SPATA16: variants seen among roughly 807,000 people sequenced by gnomAD.
The protein encoded by SPATA16 is spermatogenesis associated 16.
In SPATA16, 36 loss-of-function variants were observed where a neutral mutation model predicts 63.3. That is an observed-to-expected ratio of 0.57 (90% CI 0.44 to 0.75). SPATA16 has a LOEUF of 0.75. SPATA16 is among the 30% of genes least tolerant of loss of function. The pLI, the probability that SPATA16 is intolerant of heterozygous loss-of-function variation, is 0.00. For missense variants in SPATA16, 646 were observed against 679.3 expected, an observed-to-expected ratio of 0.95 and a Z score of 0.54; for synonymous variants, 203 against 216.7, an observed-to-expected ratio of 0.94 and a Z score of 0.56.
chr3:172,925,200 A>G, intron 7 of SPATA16, 146 bp downstream of exon 7: 2 of 888,622 alleles, frequency 2.3e-6, no homozygotes, highest in Non-Finnish European at 1.7e-6. Context: ...TCTTGGGGAA[A>G]GATTTCCTGG....
At chr3:173,101,373 AG>A (rs1440633229) in intron 2 of SPATA16, among the ~76,000 whole-genome samples, 2 of 152,144 alleles carry the variant, frequency 1.3e-5, no homozygotes, top group Non-Finnish European at 2.9e-5. Context: ...CCCTAATCAA[AG>A]GTTTGAATAT....
intron 4 of SPATA16, among the ~76,000 whole-genome samples, chr3:172,988,060 C>T (rs1734495248): frequency 6.6e-6 from 1 of 152,108 alleles, no homozygotes; most frequent in South Asian, 2.1e-4. Context: ...AGCCTGAGAC[C>T]TGTAGGCAAA....
At chr3:172,920,037 C>T (rs546255720) in intron 8 of SPATA16, among the ~76,000 whole-genome samples, 9 of 152,254 alleles carry the variant, frequency 5.9e-5, no homozygotes, top group African/African-American at 2.2e-4. Context: ...TGGAATCATT[C>T]CTATGTTGTG....
chr3:173,083,035 A>G (rs906358110), intron 2 of SPATA16, among the ~76,000 whole-genome samples: 5 of 152,124 alleles, frequency 3.3e-5, no homozygotes, highest in Non-Finnish European at 5.9e-5. Context: ...ATGGGGTTGT[A>G]TCTTTTAAAG....
intron 2 of SPATA16, among the ~76,000 whole-genome samples, chr3:173,093,955 A>G (rs1737287844): frequency 2.0e-5 from 3 of 151,996 alleles, no homozygotes; most frequent in African/African-American, 4.8e-5. Context: ...TTGGAGTGCT[A>G]TGGAGCACAG....
chr3:172,952,068 A>G (rs1009718864), intron 6 of SPATA16, among the ~76,000 whole-genome samples: 1 of 152,168 alleles, frequency 6.6e-6, no homozygotes, highest in African/African-American at 2.4e-5. Flanking sequence ...TGGAAATATT[A>G]TCTTTCTGTG....
chr3:172,998,759 TGTTGA>T (rs1276479675), intron 4 of SPATA16, among the ~76,000 whole-genome samples: 11 of 152,258 alleles, frequency 7.2e-5, no homozygotes, highest in Admixed American at 4.6e-4. Context: ...CACGAATATT[TGTTGA>T]GTTTTGTCAA....
intron 10 of SPATA16, among the ~76,000 whole-genome samples, chr3:172,912,993 C>T (rs1296962260): frequency 6.6e-6 from 1 of 152,196 alleles, no homozygotes; most frequent in Non-Finnish European, 1.5e-5. Flanking sequence ...ATGCCAGTCT[C>T]CCCTGGTGGG....
intron 1 of SPATA16, among the ~76,000 whole-genome samples, chr3:173,130,808 T>C (rs1372289326): frequency 6.6e-6 from 1 of 152,198 alleles, no homozygotes; most frequent in East Asian, 1.9e-4. Context: ...TGTATATACT[T>C]ATCCTTGGTA....
At chr3:173,134,488 C>CAAA (rs201843813) in intron 1 of SPATA16, among the ~76,000 whole-genome samples, 7 of 145,330 alleles carry the variant, frequency 4.8e-5, no homozygotes, top group African/African-American at 1.3e-4. Flanking sequence ...GACTCTGCCT[C>CAAA]AAAAAAGAAA....
intron 10 of SPATA16, among the ~76,000 whole-genome samples, chr3:172,902,579 G>A (rs1577082630): frequency 6.6e-6 from 1 of 152,124 alleles, no homozygotes; most frequent in East Asian, 1.9e-4. Context: ...CTTTCCATAA[G>A]AGGTCTTTGG....
intron 10 of SPATA16, among the ~76,000 whole-genome samples, chr3:172,891,405 C>A (rs1241882930): frequency 6.6e-6 from 1 of 152,128 alleles, no homozygotes; most frequent in Admixed American, 6.6e-5. Context: ...TAAAAGAATT[C>A]CGCTGAATTA....
At chr3:172,922,274 CTG>C (rs1732629878) in intron 8 of SPATA16, among the ~76,000 whole-genome samples, 1 of 152,194 alleles carries the variant, frequency 6.6e-6, no homozygotes, top group Non-Finnish European at 1.5e-5. Flanking sequence ...CTTCCAAAAA[CTG>C]TTATTTCCCT....
chr3:173,116,335 T>A (rs1158978573), intron 2 of SPATA16, among the ~76,000 whole-genome samples: 2 of 152,352 alleles, frequency 1.3e-5, no homozygotes, highest in East Asian at 1.9e-4. Flanking sequence ...ATGTTTTTTG[T>A]AAGATAGTTT....
chr3:172,908,591 C>T (rs28739302), intron 10 of SPATA16, among the ~76,000 whole-genome samples: 5,667 of 152,222 alleles, frequency 0.037, 363 homozygotes, highest in African/African-American at 0.13. Flanking sequence ...TCATCTTGAT[C>T]GGCTTTTTAT....
At chr3:173,135,278 A>T (rs1465701284) in intron 1 of SPATA16, among the ~76,000 whole-genome samples, 1 of 152,262 alleles carries the variant, frequency 6.6e-6, no homozygotes, top group East Asian at 1.9e-4. Context: ...CAAATCCACC[A>T]GAAGGCCAAA....
chr3:173,128,226 A>G (rs1738278110), intron 1 of SPATA16, among the ~76,000 whole-genome samples: 1 of 152,202 alleles, frequency 6.6e-6, no homozygotes, highest in Non-Finnish European at 1.5e-5. Flanking sequence ...TGTTAAAAAC[A>G]TAATGTCCTC....
At chr3:173,072,896 A>G (rs1736706737) in intron 2 of SPATA16, among the ~76,000 whole-genome samples, 1 of 152,238 alleles carries the variant, frequency 6.6e-6, no homozygotes, top group African/African-American at 2.4e-5. Context: ...GGAACTTCCT[A>G]GAGACTTACT....
intron 6 of SPATA16, among the ~76,000 whole-genome samples, chr3:172,943,399 C>T (rs184946756): frequency 6.6e-6 from 1 of 152,254 alleles, no homozygotes; most frequent in East Asian, 1.9e-4. Flanking sequence ...GCAATCCCAG[C>T]CATAACAGTA....
Sources: gnomAD v4.1 joint callset for allele counts (sites outside exome capture counted in the v4.1 genomes callset) on GRCh38, gnomAD v4.1.1 for gene constraint, MANE v1.5 for transcripts, NCBI Gene and HGNC (gene_info 2026-07-23, HGNC 2026-07-21) for gene names.